The following XIRP2 variants were observed in gnomAD, a reference collection of about 807,000 sequenced individuals.
XIRP2 encodes the protein xin actin binding repeat containing 2, also known as xin actin-binding repeat-containing protein 2.
XIRP2 carries 236 observed loss-of-function variants against 277.0 expected under a neutral mutation model. The observed-to-expected ratio is 0.85, with a 90% CI of 0.77 to 0.95. The LOEUF (loss-of-function observed/expected upper bound fraction) is 0.95, where lower values mean the gene tolerates loss of function less well. Ranked by LOEUF, XIRP2 falls within the 40% of genes least tolerant of loss-of-function variation. XIRP2 has a pLI of 0.00. For missense variants in XIRP2, 4,640 were observed against 4,157.5 expected, an observed-to-expected ratio of 1.12 and a Z score of -3.19; for synonymous variants, 1,490 against 1,416.5, an observed-to-expected ratio of 1.05 and a Z score of -1.17.
intron 3 of XIRP2, among the ~76,000 whole-genome samples, chr2:167,146,499 T>G (rs1489752422): frequency 2.2e-5 from 3 of 134,112 alleles, no homozygotes; most frequent in Non-Finnish European, 4.8e-5. Flanking sequence ...AGACTCTGTC[T>G]CAAAAAAAAA....
Position 167,088,877 on chromosome 2 carries a change from T to C in XIRP2, c.409-47032T>C, listed in dbSNP as rs1014151467. On this transcript the variant is annotated intron_variant, in intron 2 of 10. Coordinates refer to ENST00000409195, the MANE Select transcript of XIRP2 (RefSeq NM_152381.6). ...TGCCCCAAGATAGATCACATTTTCA[T>C]AGCACTCTGAATTCTCATGAATCTA... Among the ~76,000 whole-genome samples, 8 of 152,330 alleles carry C rather than the reference T, an allele frequency of 5.3e-5. No individual in the cohort carries two copies. In the East Asian group the frequency reaches 9.6e-4, roughly 18 times the overall value.
At chr2:167,226,588 T>A (rs1364031878) in intron 5 of XIRP2, among the ~76,000 whole-genome samples, 1 of 152,146 alleles carries the variant, frequency 6.6e-6, no homozygotes, top group East Asian at 1.9e-4. Context: ...AGAAAAGCCT[T>A]TTCTTCAAGC....
intron 1 of XIRP2, among the ~76,000 whole-genome samples, chr2:166,895,000 C>A (rs575321864): frequency 6.6e-6 from 1 of 152,000 alleles, no homozygotes; most frequent in Non-Finnish European, 1.5e-5. Flanking sequence ...AGAGTACTTA[C>A]GCAGAGGGAC....
intron 3 of XIRP2, among the ~76,000 whole-genome samples, chr2:167,196,916 T>C (rs1205805963): frequency 1.3e-5 from 2 of 152,186 alleles, no homozygotes; most frequent in Non-Finnish European, 2.9e-5. Flanking sequence ...GGGAGGCTAG[T>C]TATTTTCTTC....
chr2:166,959,259 T>C (rs1472002932), intron 2 of XIRP2, among the ~76,000 whole-genome samples: 1 of 151,834 alleles, frequency 6.6e-6, no homozygotes, highest in African/African-American at 2.4e-5. Flanking sequence ...TTTTCTCTGA[T>C]CAAACCCTGA....
At chr2:167,141,467 C>T (rs1311649726) in intron 3 of XIRP2, among the ~76,000 whole-genome samples, 2 of 152,062 alleles carry the variant, frequency 1.3e-5, no homozygotes, top group Admixed American at 1.3e-4. Context: ...AATGGTATAT[C>T]GGAAGACAGC....
intron 2 of XIRP2, among the ~76,000 whole-genome samples, chr2:166,954,180 A>G (rs767261984): frequency 6.6e-6 from 1 of 151,930 alleles, no homozygotes; most frequent in Non-Finnish European, 1.5e-5. Flanking sequence ...ATCTATGGAA[A>G]ATTTATGAAT....
chr2:167,100,381 T>C (rs1247307862), intron 2 of XIRP2, among the ~76,000 whole-genome samples: 1 of 152,184 alleles, frequency 6.6e-6, no homozygotes, highest in East Asian at 1.9e-4. Flanking sequence ...TTTATATGAA[T>C]AATAAATAAT....
chr2:167,126,837 T>C (rs1299629154), intron 2 of XIRP2, among the ~76,000 whole-genome samples: 1 of 152,204 alleles, frequency 6.6e-6, no homozygotes. Context: ...GTCAGCATCA[T>C]AAAATGAGAA....
chr2:167,210,722 T>C lies in XIRP2; in HGVS notation c.563-13T>C, dbSNP rs2105389107. The C allele has an allele frequency of 6.2e-7, 1 of 1,614,082 alleles. No homozygotes were observed. The highest frequency in any genetic ancestry group is 1.1e-5 in the South Asian group (1 of 91,088). ...TTAACACACATGTGTAAGCATGCTC[T>C]GTTTGCTTTCAGCGACTGCTGGCCC... On this transcript the variant is annotated splice_polypyrimidine_tract_variant and intron_variant, in intron 3 of 10. Coordinates refer to ENST00000409195, the MANE Select transcript of XIRP2 (RefSeq NM_152381.6).
chr2:166,894,894 C>T (rs1038886303), intron 1 of XIRP2, among the ~76,000 whole-genome samples: 7 of 152,166 alleles, frequency 4.6e-5, no homozygotes, highest in Non-Finnish European at 1.0e-4. Context: ...TGAGCTATAT[C>T]ATCTTTGGTA....
intron 3 of XIRP2, among the ~76,000 whole-genome samples, chr2:167,149,539 G>C (rs965845788): frequency 2.0e-5 from 3 of 152,142 alleles, no homozygotes; most frequent in African/African-American, 7.2e-5. Flanking sequence ...GGATAGACTA[G>C]TCGGTGAATT....
intron 2 of XIRP2, among the ~76,000 whole-genome samples, chr2:167,084,174 C>T (rs1175060739): frequency 1.3e-5 from 2 of 152,206 alleles, no homozygotes; most frequent in East Asian, 1.9e-4. Flanking sequence ...TTGTCAAAGG[C>T]CTTTTCTGCA....
chr2:167,009,642 T>G (rs6738112), intron 2 of XIRP2, among the ~76,000 whole-genome samples: 14 of 152,056 alleles, frequency 9.2e-5, no homozygotes, highest in South Asian at 6.2e-4. Context: ...ATCGCCACAC[T>G]GACTTCCACA....
chr2:166,986,801 G>T (rs567010135), intron 2 of XIRP2, among the ~76,000 whole-genome samples: 2 of 152,326 alleles, frequency 1.3e-5, no homozygotes, highest in Admixed American at 6.5e-5. Flanking sequence ...AGATAAATGA[G>T]ATTATACCAG....
chr2:166,891,058 T>A (rs932669186), intron 1 of XIRP2, among the ~76,000 whole-genome samples: 4 of 152,200 alleles, frequency 2.6e-5, no homozygotes, highest in African/African-American at 9.6e-5. Flanking sequence ...TGGCGACGTA[T>A]GTCCATCATG....
intron 3 of XIRP2, among the ~76,000 whole-genome samples, chr2:167,156,276 G>A (rs546453062): frequency 6.6e-6 from 1 of 152,160 alleles, no homozygotes; most frequent in Non-Finnish European, 1.5e-5. Flanking sequence ...CCAAAAAAGA[G>A]CCCGCATTGC....
At chr2:167,047,504 A>T (rs1004946027) in intron 2 of XIRP2, among the ~76,000 whole-genome samples, 1 of 151,994 alleles carries the variant, frequency 6.6e-6, no homozygotes, top group Non-Finnish European at 1.5e-5. Context: ...CAACTAATTT[A>T]TAAATTTAAT....
At chr2:167,126,514 G>A (rs1048845505) in intron 2 of XIRP2, among the ~76,000 whole-genome samples, 6 of 152,146 alleles carry the variant, frequency 3.9e-5, no homozygotes, top group African/African-American at 1.4e-4. Context: ...GTAAAAATTG[G>A]TGGGGAGGCA....
Sources: gnomAD v4.1 joint callset for allele counts (sites outside exome capture counted in the v4.1 genomes callset) on GRCh38, gnomAD v4.1.1 for gene constraint, MANE v1.5 for transcripts, NCBI Gene and HGNC (gene_info 2026-07-23, HGNC 2026-07-21) for gene names.